The following MEMO1 variants were observed in gnomAD, a reference collection of about 807,000 sequenced individuals.
MEMO1 encodes mediator of cell motility 1, also known as protein MEMO1.
A neutral mutation model predicts 45.2 loss-of-function variants in MEMO1; 6 were observed. The observed-to-expected ratio is 0.13, with a 90% CI of 0.07 to 0.26. The LOEUF (loss-of-function observed/expected upper bound fraction) is 0.26. MEMO1 is among the 10% of genes least tolerant of loss of function. The pLI is 1.00. For synonymous variants in MEMO1, 78 were observed against 124.3 expected, an observed-to-expected ratio of 0.63 and a Z score of 2.48; for missense variants, 184 against 370.5, an observed-to-expected ratio of 0.50 and a Z score of 4.13.
chr2:31,969,597 G>GTGTC (rs2148452899), intron 2 of MEMO1, among the ~76,000 whole-genome samples: 1 of 140,700 alleles, frequency 7.1e-6, no homozygotes, highest in East Asian at 2.0e-4. Flanking sequence ...GTGTGTGTGT[G>GTGTC]TGTGTGTGTG....
At chr2:31,963,106 TCA>T (rs1668215303) in intron 2 of MEMO1, 4 of 1,427,380 alleles carry the variant, frequency 2.8e-6, no homozygotes, top group Non-Finnish European at 3.7e-6. Flanking sequence ...CAACCCATCC[TCA>T]GTCTCTAACT....
intron 2 of MEMO1, among the ~76,000 whole-genome samples, chr2:31,986,116 C>G (rs1671223955): frequency 6.6e-6 from 1 of 152,070 alleles, no homozygotes; most frequent in Non-Finnish European, 1.5e-5. Context: ...AACTGTTGGC[C>G]AGCCGCGGTG....
intron 8 of MEMO1, among the ~76,000 whole-genome samples, chr2:31,870,764 G>C (rs1406368122): frequency 2.6e-5 from 4 of 152,176 alleles, no homozygotes; most frequent in South Asian, 2.1e-4. Context: ...TTTTAGTAGA[G>C]ACCAGGTTTC....
intron 3 of MEMO1, among the ~76,000 whole-genome samples, chr2:31,932,796 T>C (rs1416472512): frequency 6.6e-6 from 1 of 152,144 alleles, no homozygotes; most frequent in Non-Finnish European, 1.5e-5. Flanking sequence ...AGAAAAATGA[T>C]AAACCAACAG....
At chr2:31,873,976 G>A (rs1246412210) in intron 8 of MEMO1, among the ~76,000 whole-genome samples, 2 of 152,066 alleles carry the variant, frequency 1.3e-5, no homozygotes, top group Non-Finnish European at 2.9e-5. Flanking sequence ...TCAAGAGAAA[G>A]AAGTATGAGG....
At chr2:32,005,986 T>C (rs925180600) in intron 2 of MEMO1, among the ~76,000 whole-genome samples, 1 of 152,120 alleles carries the variant, frequency 6.6e-6, no homozygotes, top group Non-Finnish European at 1.5e-5. Flanking sequence ...ACAAAGAATA[T>C]TTCAACAGAG....
At chr2:31,937,216 A>T (rs1012581309) in intron 3 of MEMO1, among the ~76,000 whole-genome samples, 2 of 152,220 alleles carry the variant, frequency 1.3e-5, no homozygotes, top group East Asian at 3.8e-4. Flanking sequence ...TTGTGCCCAA[A>T]AAAGTCCAAG....
chr2:31,963,298 G>T, intron 2 of MEMO1: 26 of 1,491,414 alleles, frequency 1.7e-5, no homozygotes, highest in Non-Finnish European at 2.3e-5. Context: ...CTACAGATAG[G>T]GATACAGATA....
intron 7 of MEMO1, among the ~76,000 whole-genome samples, chr2:31,890,169 A>T (rs1277675182): frequency 1.3e-5 from 2 of 152,146 alleles, no homozygotes; most frequent in Non-Finnish European, 2.9e-5. Context: ...CAATATTGAA[A>T]TGTTTACTGA....
intron 7 of MEMO1, among the ~76,000 whole-genome samples, chr2:31,885,471 A>G (rs866129134): frequency 3.3e-5 from 5 of 152,342 alleles, no homozygotes; most frequent in Middle Eastern, 3.4e-3. Context: ...GCTCAGTGCC[A>G]AATCTAAAGT....
intron 2 of MEMO1, among the ~76,000 whole-genome samples, chr2:31,987,557 G>A (rs1671421658): frequency 6.6e-6 from 1 of 152,180 alleles, no homozygotes; most frequent in Non-Finnish European, 1.5e-5. Flanking sequence ...GAAACCTGGT[G>A]TCAGACAAAT....
chr2:31,991,539 C>T (rs1430263935), intron 2 of MEMO1, among the ~76,000 whole-genome samples: 1 of 148,856 alleles, frequency 6.7e-6, no homozygotes, highest in Admixed American at 6.8e-5. Context: ...CCATTGTACC[C>T]CAGCCTGGGC....
intron 2 of MEMO1, among the ~76,000 whole-genome samples, chr2:31,948,383 A>T (rs1286235730): frequency 6.6e-6 from 1 of 152,212 alleles, no homozygotes; most frequent in African/African-American, 2.4e-5. Context: ...CAATAAACTC[A>T]ATCCCACATG....
At chr2:31,986,222 G>A (rs1229726276) in intron 2 of MEMO1, among the ~76,000 whole-genome samples, 5 of 152,052 alleles carry the variant, frequency 3.3e-5, no homozygotes, top group Non-Finnish European at 7.4e-5. Context: ...GTGAAACCCC[G>A]TCTCTACTAA....
intron 6 of MEMO1, among the ~76,000 whole-genome samples, chr2:31,896,455 G>A (rs544704436): frequency 1.3e-5 from 2 of 152,218 alleles, no homozygotes; most frequent in African/African-American, 4.8e-5. Context: ...GAAAAAGCAG[G>A]CATAGACAAT....
At chr2:31,969,586 G>GGTGTGTGTGTGTGTGTGT (rs367639470) in intron 2 of MEMO1, among the ~76,000 whole-genome samples, 5 of 119,224 alleles carry the variant, frequency 4.2e-5, no homozygotes, top group African/African-American at 9.8e-5. Context: ...TGTGTGTGTG[G>GGTGTGTGTGTGTGTGTGT]GTGTGTGTGT....
At chr2:32,000,165 C>A (rs1052783778) in intron 2 of MEMO1, among the ~76,000 whole-genome samples, 4 of 151,914 alleles carry the variant, frequency 2.6e-5, no homozygotes, top group Non-Finnish European at 5.9e-5. Context: ...GGATCACAGA[C>A]CTGAGCCACA....
At chr2:31,920,125 A>T (rs1372323468) in intron 5 of MEMO1, among the ~76,000 whole-genome samples, 2 of 152,164 alleles carry the variant, frequency 1.3e-5, no homozygotes, top group East Asian at 3.9e-4. Flanking sequence ...TTAATTTCTT[A>T]TAGTACTCTT....
At position 31,988,546 on chromosome 2, in the gene MEMO1, G is replaced by A. The variant is rs143283341; in HGVS notation, c.61+21641C>T. On this transcript the variant is annotated intron_variant, in intron 2 of 9. Coordinates refer to ENST00000404530, the MANE Select transcript of MEMO1 (RefSeq NM_001301833.4). ...GGGCGACAAAGCAAGACTCTGTCTC[G>A]AAAAAAATAAAAAAAATTTAAAAAG... 6.3e-3 allele frequency among the ~76,000 whole-genome samples: 957 copies of A among 151,846 alleles called. 12 individuals carry two copies. The highest frequency in any genetic ancestry group is 0.021 in the African/African-American group (855 of 41,444).
Sources: allele counts gnomAD v4.1 joint callset (sites outside exome capture counted in the v4.1 genomes callset), GRCh38; gene constraint gnomAD v4.1.1; transcripts MANE v1.5; gene names NCBI Gene and HGNC (gene_info 2026-07-23, HGNC 2026-07-21).